The following MFAP1 variants were observed in gnomAD, a reference collection of about 807,000 sequenced individuals.
MFAP1 encodes the protein microfibrillar-associated protein 1.
A neutral mutation model predicts 62.2 loss-of-function variants in MFAP1; 18 were observed. The ratio of observed to expected loss-of-function variants is 0.29; its 90% confidence interval spans 0.20 to 0.43. MFAP1 has a LOEUF of 0.43. Ranked by LOEUF, MFAP1 falls within the 20% of genes least tolerant of loss-of-function variation. The pLI is 1.00. For synonymous variants in MFAP1, 175 were observed against 180.4 expected, an observed-to-expected ratio of 0.97 and a Z score of 0.24; for missense variants, 355 against 559.7, an observed-to-expected ratio of 0.63 and a Z score of 3.69.
intron 4 of MFAP1, 46 bp from the exon 5 acceptor site, chr15:43,813,403 A>G (rs1389499882): frequency 6.4e-7 from 1 of 1,555,708 alleles, no homozygotes; most frequent in East Asian, 2.3e-5. Context: ...CTTAGAGTGG[A>G]GTGCTTTGTT....
chr15:43,808,090 T>TGACTGCAC (rs2087376976), intron 7 of MFAP1, among the ~76,000 whole-genome samples: 1 of 152,206 alleles, frequency 6.6e-6, no homozygotes, highest in East Asian at 1.9e-4. Context: ...CAGTGAGCCA[T>TGACTGCAC]GACTGCACCA....
intron 1 of MFAP1, among the ~76,000 whole-genome samples, chr15:43,817,655 A>G (rs2087441463): frequency 6.6e-6 from 1 of 152,192 alleles, no homozygotes; most frequent in South Asian, 2.1e-4. Flanking sequence ...GAAAGCCAAC[A>G]CTGATGATAA....
Position 43,817,466 on chromosome 15 carries a change from C to A in MFAP1, c.80-18G>T, listed in dbSNP as rs757947930. The A allele has an allele frequency of 1.2e-6, 2 of 1,613,492 alleles. No individual in the cohort carries two copies. The highest frequency in any genetic ancestry group is 1.7e-6 in the Non-Finnish European group (2 of 1,179,674). On this transcript the variant is annotated intron_variant, in intron 1 of 8. Coordinates refer to ENST00000267812, the MANE Select transcript of MFAP1 (RefSeq NM_005926.3). ...AATCTCACCTGGGCGAGAAAGGTAA[C>A]TTATGTTTCAGTAGCCTCTTTCTCA...
At chr15:43,811,313 G>C (rs1256015123) in intron 6 of MFAP1, among the ~76,000 whole-genome samples, 2 of 150,004 alleles carry the variant, frequency 1.3e-5, no homozygotes, top group African/African-American at 2.4e-5. Flanking sequence ...TACGCAGGAG[G>C]CTGAGGCAGG....
intron 7 of MFAP1, among the ~76,000 whole-genome samples, chr15:43,807,068 T>C (rs936428166): frequency 2.0e-5 from 3 of 150,094 alleles, no homozygotes; most frequent in Non-Finnish European, 3.0e-5. Context: ...CTATACATCT[T>C]GGCCGGGCAT....
At chr15:43,821,456 A>C in intron 1 of MFAP1, among the ~76,000 whole-genome samples, 2 of 141,738 alleles carry the variant, frequency 1.4e-5, no homozygotes, top group Admixed American at 7.1e-5. Flanking sequence ...GGGGCGGGGA[A>C]GGAGGGGTGG....
At chr15:43,814,059 G>C (rs1186565845) in intron 4 of MFAP1, among the ~76,000 whole-genome samples, 2 of 152,052 alleles carry the variant, frequency 1.3e-5, no homozygotes, top group Non-Finnish European at 2.9e-5. Flanking sequence ...TTCGAGACCA[G>C]CCTGACCAAC....
At chr15:43,805,974 GC>G (rs1226088655) in intron 7 of MFAP1, among the ~76,000 whole-genome samples, 1 of 142,802 alleles carries the variant, frequency 7.0e-6, no homozygotes, top group Admixed American at 7.2e-5. Flanking sequence ...CCCTGAGACA[GC>G]GTCTCATTCT....
chr15:43,805,775 G>T (rs1331358765), intron 7 of MFAP1, among the ~76,000 whole-genome samples: 8 of 151,708 alleles, frequency 5.3e-5, no homozygotes, highest in Non-Finnish European at 1.0e-4. Context: ...ACCACACTCG[G>T]CTAATTTTTT....
At chr15:43,809,602 G>C (rs1241438009) in intron 7 of MFAP1, among the ~76,000 whole-genome samples, 153 bp downstream of exon 7, 4 of 152,088 alleles carry the variant, frequency 2.6e-5, no homozygotes, top group Admixed American at 2.6e-4. Context: ...GCTTTTCTCT[G>C]AGTTTATATT....
intron 7 of MFAP1, among the ~76,000 whole-genome samples, chr15:43,809,493 TA>T (rs760823604): frequency 5.3e-3 from 740 of 139,028 alleles, no homozygotes; most frequent in East Asian, 6.4e-3. Context: ...CTCTGTCTCT[TA>T]AAAAAAAAAA....
Position 43,824,687 on chromosome 15 carries a change from T to C in MFAP1, c.-118A>G. 2.0e-6 allele frequency: 2 copies of C among 1,010,158 alleles called. No homozygotes were observed. Among genetic ancestry groups the C allele is most frequent in the Admixed American group, 4.1e-5 (2 of 48,924 alleles). The allele number at this position is 1,010,158 out of a possible 1,614,324, so 62.6% of individuals were successfully genotyped here. On this transcript the variant is annotated 5_prime_UTR_variant, in exon 1 of 9. Transcript: ENST00000267812. ...GAGTCCGCGAACACAGCTGCGCGAC[T>C]GATAGAGAAACTACTTACGGCTGAG...
intron 8 of MFAP1, 38 bp from the exon 9 acceptor site, chr15:43,805,314 A>C (rs139277933): frequency 2.8e-5 from 45 of 1,599,422 alleles, no homozygotes; most frequent in African/African-American, 4.0e-5. Flanking sequence ...ACCACCAAAC[A>C]AACCATGCCT....
intron 7 of MFAP1, among the ~76,000 whole-genome samples, chr15:43,808,623 A>T (rs968974531): frequency 2.0e-5 from 3 of 152,376 alleles, no homozygotes; most frequent in East Asian, 3.9e-4. Context: ...GCAGTACAAG[A>T]AGTAGTTCAT....
intron 1 of MFAP1, among the ~76,000 whole-genome samples, chr15:43,819,495 A>C (rs2087454301): frequency 6.6e-6 from 1 of 151,994 alleles, no homozygotes; most frequent in Admixed American, 6.6e-5. Flanking sequence ...CAGACTTTAT[A>C]CTTAATGATA....
Position 43,804,959 on chromosome 15 carries a change from AC to A in MFAP1, c.*134del. On this transcript the variant is annotated 3_prime_UTR_variant, in exon 9 of 9. Coordinates refer to ENST00000267812, the MANE Select transcript of MFAP1 (RefSeq NM_005926.3). ...ACAAAGCACCTTCAAAGTCTGGGCTACCCAGTATCACAAGTATAGCAGTAAG... is the reference window on the plus strand; with the variant it reads ...ACAAAGCACCTTCAAAGTCTGGGCTACCAGTATCACAAGTATAGCAGTAAG... 2.1e-6 allele frequency: 2 copies of A among 973,224 alleles called. No homozygotes were observed. The highest frequency in any genetic ancestry group is 2.3e-4 in the Middle Eastern group (1 of 4,434). The allele number at this position is 973,224 out of a possible 1,614,324, so 60.3% of individuals were successfully genotyped here.
chr15:43,808,348 G>A (rs2087378492), intron 7 of MFAP1, among the ~76,000 whole-genome samples: 1 of 152,098 alleles, frequency 6.6e-6, no homozygotes, highest in African/African-American at 2.4e-5. Flanking sequence ...GACACTACAG[G>A]CACGGACCAC....
At chr15:43,816,240 TTTTTC>T (rs1213199607) in intron 2 of MFAP1, among the ~76,000 whole-genome samples, 1 of 138,352 alleles carries the variant, frequency 7.2e-6, no homozygotes, top group African/African-American at 2.5e-5. Context: ...TTTTTTTTCT[TTTTTC>T]TTTTCTTTTT....
intron 2 of MFAP1, among the ~76,000 whole-genome samples, chr15:43,816,196 AG>A (rs1377918495): frequency 6.6e-6 from 1 of 150,602 alleles, no homozygotes; most frequent in African/African-American, 2.4e-5. Flanking sequence ...AATGAATAAA[AG>A]TGTTTTTTCC....
Sources: gnomAD v4.1 joint callset for allele counts (sites outside exome capture counted in the v4.1 genomes callset) on GRCh38, gnomAD v4.1.1 for gene constraint, MANE v1.5 for transcripts, NCBI Gene and HGNC (gene_info 2026-07-23, HGNC 2026-07-21) for gene names.